Variants in NCKAP5 observed in about 807,000 individuals in gnomAD.
NCKAP5 encodes nck-associated protein 5.
NCKAP5 carries 92 observed loss-of-function variants against 167.0 expected under a neutral mutation model. The observed-to-expected ratio is 0.55, with a 90% CI of 0.47 to 0.66. The LOEUF (loss-of-function observed/expected upper bound fraction) is 0.66, where lower values mean the gene tolerates loss of function less well. Among genes scored for constraint, NCKAP5 ranks in the 30% least tolerant of loss-of-function variants. The probability of loss-of-function intolerance (pLI) is 0.00; values close to 1 mark genes in which losing one functional copy is unlikely to be tolerated. For synonymous variants in NCKAP5, 891 were observed against 877.4 expected (o/e 1.02, Z -0.27); for missense variants, 2,378 against 2,315.0 (o/e 1.03, Z -0.56).
At chr2:133,514,419 A>T (rs1186673151) in intron 3 of NCKAP5, among the ~76,000 whole-genome samples, 1 of 152,104 alleles carries the variant, frequency 6.6e-6, no homozygotes, top group East Asian at 1.9e-4. Flanking sequence ...TGTTTTCCCC[A>T]ATTGGAGCTT....
At chr2:133,268,643 C>T (rs962886782) in intron 4 of NCKAP5, among the ~76,000 whole-genome samples, 1 of 152,044 alleles carries the variant, frequency 6.6e-6, no homozygotes, top group Non-Finnish European at 1.5e-5. Context: ...CCACCGCGCC[C>T]GGCTAATTTT....
At chr2:133,596,788 C>T in the NCKAP5 span, among the ~76,000 whole-genome samples, 4 of 152,024 alleles carry the variant, frequency 2.6e-5, no homozygotes, top group African/African-American at 4.8e-5. Flanking sequence ...AAACACATGG[C>T]TTATGTAATC....
At chr2:133,015,657 C>T (rs140385194) in intron 6 of NCKAP5, among the ~76,000 whole-genome samples, 24 of 152,260 alleles carry the variant, frequency 1.6e-4, no homozygotes, top group African/African-American at 5.3e-4. Flanking sequence ...TCCATTCATT[C>T]GCCCACTAAT....
chr2:132,878,216 C>A (rs1490979282), intron 9 of NCKAP5, among the ~76,000 whole-genome samples: 3 of 152,164 alleles, frequency 2.0e-5, no homozygotes, highest in African/African-American at 4.8e-5. Context: ...CTCTCAAATG[C>A]CCATTATCTT....
At chr2:133,611,338 C>A in the NCKAP5 span, among the ~76,000 whole-genome samples, 1 of 151,984 alleles carries the variant, frequency 6.6e-6, no homozygotes, top group Admixed American at 6.6e-5. Flanking sequence ...AAGGTTACAG[C>A]AGCCATAGTC....
intron 6 of NCKAP5, among the ~76,000 whole-genome samples, chr2:133,103,321 C>G (rs1201289063): frequency 1.3e-5 from 2 of 152,154 alleles, no homozygotes; most frequent in Non-Finnish European, 2.9e-5. Context: ...CATAGACTGC[C>G]TGGGATTGAA....
At chr2:133,444,655 T>A (rs1308678660) in intron 3 of NCKAP5, among the ~76,000 whole-genome samples, 5 of 152,198 alleles carry the variant, frequency 3.3e-5, no homozygotes, top group African/African-American at 1.2e-4. Context: ...GTGAGTGTTA[T>A]CTGCAGGGAT....
intron 19 of NCKAP5, among the ~76,000 whole-genome samples, chr2:132,678,992 T>C (rs552693294): frequency 2.0e-5 from 3 of 152,256 alleles, no homozygotes; most frequent in Admixed American, 6.5e-5. Flanking sequence ...GCGTCTATTA[T>C]TGGAATTTGA....
At chr2:132,810,064 A>G (rs552477801) in intron 11 of NCKAP5, among the ~76,000 whole-genome samples, 99 of 152,314 alleles carry the variant, frequency 6.5e-4, no homozygotes, top group African/African-American at 2.4e-3. Context: ...ACTGTATACA[A>G]AATTCTTGGC....
chr2:133,276,777 C>T (rs906575885), intron 4 of NCKAP5, among the ~76,000 whole-genome samples: 2 of 151,924 alleles, frequency 1.3e-5, no homozygotes, highest in African/African-American at 4.8e-5. Context: ...ATATATATCA[C>T]TGCAAAAATA....
intron 19 of NCKAP5, among the ~76,000 whole-genome samples, chr2:132,698,836 AAAACAAAC>A (rs564965955): frequency 1.2e-4 from 18 of 152,032 alleles, no homozygotes; most frequent in Non-Finnish European, 4.4e-5. Flanking sequence ...TCTGTCTCAA[AAAACAAAC>A]AAACAAACAA....
intron 3 of NCKAP5, among the ~76,000 whole-genome samples, chr2:133,420,292 C>A (rs1689391040): frequency 1.3e-5 from 2 of 152,190 alleles, no homozygotes; most frequent in South Asian, 2.1e-4. Flanking sequence ...AAATGAAGCA[C>A]TGATGTATAC....
At chr2:133,053,003 GA>G (rs2079658587) in intron 6 of NCKAP5, among the ~76,000 whole-genome samples, 1 of 152,136 alleles carries the variant, frequency 6.6e-6, no homozygotes, top group African/African-American at 2.4e-5. Context: ...GATGGCATGA[GA>G]GGGGGAGATA....
rs1226126183 is a variant in NCKAP5 at position 133,514,597 on chromosome 2, T to C, written c.69+2861A>G. Among the ~76,000 whole-genome samples the C allele has an allele frequency of 3.3e-5, 5 of 152,236 alleles. No individual in the cohort carries two copies. In the East Asian group the frequency reaches 9.6e-4, roughly 29 times the overall value. ...AGCACCTTATTCTTGCAATACATTATGAGAATATTTTCCTGTAAAATCTGA... is the reference window on the plus strand; with the variant it reads ...AGCACCTTATTCTTGCAATACATTACGAGAATATTTTCCTGTAAAATCTGA... On this transcript the variant is annotated intron_variant, in intron 3 of 19. Transcript: ENST00000409261.
intron 11 of NCKAP5, among the ~76,000 whole-genome samples, chr2:132,807,015 T>C (rs1685493426): frequency 6.6e-6 from 1 of 152,190 alleles, no homozygotes; most frequent in Non-Finnish European, 1.5e-5. Context: ...GAAAAGGGTG[T>C]CTTCTCCCCA....
chr2:133,153,097 A>G (rs563368781), intron 5 of NCKAP5, among the ~76,000 whole-genome samples: 1 of 152,338 alleles, frequency 6.6e-6, no homozygotes, highest in Admixed American at 6.5e-5. Context: ...GAGACACTAA[A>G]AAGATCAGTG....
chr2:132,951,708 AG>A (rs1182190674), intron 8 of NCKAP5, among the ~76,000 whole-genome samples: 2 of 152,184 alleles, frequency 1.3e-5, no homozygotes, highest in Non-Finnish European at 2.9e-5. Flanking sequence ...CTATATAACA[AG>A]GGCATTTTTC....
intron 3 of NCKAP5, among the ~76,000 whole-genome samples, chr2:133,387,064 A>G (rs1262898895): frequency 6.6e-6 from 1 of 152,130 alleles, no homozygotes; most frequent in African/African-American, 2.4e-5. Flanking sequence ...TAATATAGTT[A>G]TGTGTGAATT....
At chr2:133,430,625 AG>A (rs2151124005) in intron 3 of NCKAP5, among the ~76,000 whole-genome samples, 1 of 152,280 alleles carries the variant, frequency 6.6e-6, no homozygotes, top group South Asian at 2.1e-4. Flanking sequence ...TTTATTGAAT[AG>A]GGAGTCCTTT....
Sources: gnomAD v4.1 joint callset for allele counts (sites outside exome capture counted in the v4.1 genomes callset) on GRCh38, gnomAD v4.1.1 for gene constraint, MANE v1.5 for transcripts, NCBI Gene and HGNC (gene_info 2026-07-23, HGNC 2026-07-21) for gene names.